NAALADL2: variants seen among roughly 807,000 people sequenced by gnomAD.
NAALADL2 encodes inactive N-acetylated-alpha-linked acidic dipeptidase-like protein 2.
NAALADL2 carries 76 observed loss-of-function variants against 87.2 expected under a neutral mutation model. The ratio of observed to expected loss-of-function variants is 0.87; its 90% CI spans 0.72 to 1.05. The LOEUF (loss-of-function observed/expected upper bound fraction) is 1.05, where lower values mean the gene tolerates loss of function less well. NAALADL2 is among the 50% of genes least tolerant of loss of function. NAALADL2 has a pLI of 0.00. For synonymous variants in NAALADL2, 354 were observed against 331.0 expected (o/e 1.07, Z -0.75); for missense variants, 1,089 against 945.8 (o/e 1.15, Z -1.99).
intron 2 of NAALADL2, among the ~76,000 whole-genome samples, chr3:174,617,234 AT>A (rs568047687): frequency 2.2e-3 from 331 of 151,934 alleles, no homozygotes; most frequent in Non-Finnish European, 3.6e-3. Context: ...AACTCAGAAT[AT>A]TTTTGTATAC....
intron 13 of NAALADL2, among the ~76,000 whole-genome samples, chr3:175,799,350 A>T (rs1203323067): frequency 6.6e-6 from 1 of 152,114 alleles, no homozygotes; most frequent in Non-Finnish European, 1.5e-5. Context: ...AATAATTAAA[A>T]TATTTTTAAT....
intron 2 of NAALADL2, among the ~76,000 whole-genome samples, chr3:174,702,811 C>T (rs13325828): frequency 5.3e-5 from 8 of 152,122 alleles, no homozygotes; most frequent in Non-Finnish European, 8.8e-5. Context: ...ACCAAAACAT[C>T]GTTATGCAGT....
At chr3:175,371,951 G>A (rs568567971) in intron 5 of NAALADL2, among the ~76,000 whole-genome samples, 297 of 152,192 alleles carry the variant, frequency 2.0e-3, no homozygotes, top group South Asian at 8.1e-3. Context: ...AGTTTTAGAA[G>A]AAATATTGCC....
intron 12 of NAALADL2, among the ~76,000 whole-genome samples, chr3:175,753,151 T>G (rs1444101780): frequency 6.6e-6 from 1 of 152,150 alleles, no homozygotes; most frequent in Non-Finnish European, 1.5e-5. Context: ...TGCCAAAACC[T>G]TGTGAACTCC....
chr3:175,593,144 A>G (rs1339487277), intron 10 of NAALADL2, among the ~76,000 whole-genome samples: 1 of 152,044 alleles, frequency 6.6e-6, no homozygotes, highest in African/African-American at 2.4e-5. Context: ...TTAGCTCTTT[A>G]TCCTGATGCT....
chr3:174,939,521 G>GT (rs200464667), intron 1 of NAALADL2, among the ~76,000 whole-genome samples: 20 of 151,314 alleles, frequency 1.3e-4, no homozygotes, highest in African/African-American at 4.1e-4. Context: ...TTTTAAAATA[G>GT]TTTTTTTTTC....
At chr3:175,109,756 T>G (rs1723860262) in intron 2 of NAALADL2, among the ~76,000 whole-genome samples, 1 of 151,804 alleles carries the variant, frequency 6.6e-6, no homozygotes, top group African/African-American at 2.4e-5. Flanking sequence ...ACCTCTTAAC[T>G]TTGCAGAATG....
intron 2 of NAALADL2, among the ~76,000 whole-genome samples, chr3:175,133,924 C>T (rs1419588555): frequency 6.6e-6 from 1 of 152,128 alleles, no homozygotes; most frequent in East Asian, 1.9e-4. Flanking sequence ...AAGATTAAAA[C>T]ATTTTCCCCA....
chr3:175,479,187 G>C (rs1478597055), intron 9 of NAALADL2, among the ~76,000 whole-genome samples: 2 of 151,686 alleles, frequency 1.3e-5, no homozygotes, highest in Non-Finnish European at 3.0e-5. Context: ...GTTGTAACCT[G>C]ATTAAACAAT....
At chr3:175,367,761 A>G (rs1205327714) in intron 5 of NAALADL2, among the ~76,000 whole-genome samples, 3 of 152,192 alleles carry the variant, frequency 2.0e-5, no homozygotes, top group Non-Finnish European at 4.4e-5. Flanking sequence ...TTGGGCTGAG[A>G]CAATGGGGTT....
intron 3 of NAALADL2, among the ~76,000 whole-genome samples, chr3:174,834,272 G>A (rs890260683): frequency 6.8e-5 from 10 of 146,510 alleles, no homozygotes; most frequent in African/African-American, 2.6e-4. Flanking sequence ...TTATCATATT[G>A]AATATCACAC....
intron 1 of NAALADL2, among the ~76,000 whole-genome samples, chr3:174,936,157 T>G (rs1233104193): frequency 6.6e-6 from 1 of 152,098 alleles, no homozygotes; most frequent in Non-Finnish European, 1.5e-5. Context: ...GTTCACAATT[T>G]TAGAGTATTT....
At chr3:175,435,431 A>G (rs1316445437) in intron 5 of NAALADL2, among the ~76,000 whole-genome samples, 2 of 152,098 alleles carry the variant, frequency 1.3e-5, no homozygotes, top group African/African-American at 4.8e-5. Flanking sequence ...CTAACATATA[A>G]TTAAGTACCA....
At chr3:175,415,973 A>G (rs76220695) in intron 5 of NAALADL2, among the ~76,000 whole-genome samples, 4 of 150,838 alleles carry the variant, frequency 2.7e-5, no homozygotes, top group Non-Finnish European at 5.9e-5. Flanking sequence ...AAAAAAAAAA[A>G]TTAGCAGGGC....
intron 2 of NAALADL2, among the ~76,000 whole-genome samples, chr3:174,681,773 G>A (rs1251543491): frequency 6.6e-6 from 1 of 152,160 alleles, no homozygotes; most frequent in Non-Finnish European, 1.5e-5. Flanking sequence ...AATGTGAATA[G>A]GACATTGCCT....
chr3:174,974,471 T>G (rs1176066006), intron 1 of NAALADL2, among the ~76,000 whole-genome samples: 5 of 152,194 alleles, frequency 3.3e-5, no homozygotes, highest in Admixed American at 2.0e-4. Flanking sequence ...TTTTACCTAT[T>G]AAGTAGACAT....
chr3:175,496,937 C>T (rs1283678602), intron 9 of NAALADL2, among the ~76,000 whole-genome samples: 3 of 152,028 alleles, frequency 2.0e-5, no homozygotes, highest in Non-Finnish European at 4.4e-5. Flanking sequence ...TTATTTAATA[C>T]TCCTTATCAC....
At chr3:174,469,219 A>G (rs1178581912) in intron 1 of NAALADL2, among the ~76,000 whole-genome samples, 3 of 151,680 alleles carry the variant, frequency 2.0e-5, no homozygotes, top group Non-Finnish European at 4.4e-5. Flanking sequence ...GACATCATTT[A>G]TTAGAAATGT....
At chr3:175,297,924 A>G (rs1442290045) in intron 4 of NAALADL2, among the ~76,000 whole-genome samples, 1 of 152,186 alleles carries the variant, frequency 6.6e-6, no homozygotes, top group East Asian at 1.9e-4. Context: ...AGATTTAATA[A>G]CTATGAATAC....
Sources: gnomAD v4.1 joint callset for allele counts (sites outside exome capture counted in the v4.1 genomes callset) on GRCh38, gnomAD v4.1.1 for gene constraint, MANE v1.5 for transcripts, NCBI Gene and HGNC (gene_info 2026-07-23, HGNC 2026-07-21) for gene names.